Variants in CYP4X1 observed in about 807,000 individuals in gnomAD.
CYP4X1 encodes the protein cytochrome P450 family 4 subfamily X member 1.
CYP4X1 carries 44 observed loss-of-function variants against 57.9 expected under a neutral mutation model. That is an observed-to-expected ratio of 0.76 (90% CI 0.60 to 0.98). CYP4X1 has a LOEUF of 0.98. Ranked by LOEUF, CYP4X1 falls within the 50% of genes least tolerant of loss-of-function variation. The pLI is 0.00. For synonymous variants in CYP4X1, 227 were observed against 228.6 expected, an observed-to-expected ratio of 0.99 and a Z score of 0.06; for missense variants, 532 against 623.9, an observed-to-expected ratio of 0.85 and a Z score of 1.57.
At chr1:46,996,469 C>T in the CYP4X1 span, among the ~76,000 whole-genome samples, 12 of 152,228 alleles carry the variant, frequency 7.9e-5, no homozygotes, top group African/African-American at 2.2e-4. Context: ...CCTCTCTATT[C>T]GGGGTGGTTT....
Position 47,050,008 on chromosome 1 carries a change from T to C in CYP4X1, c.1364T>C (p.Ile455Thr), listed in dbSNP as rs761504178. The change falls in exon 12 of 12, where the codon ATT becomes ACT. Residue 455 changes from isoleucine (I) to threonine (T), a missense_variant. Physicochemically the swap from Ile to Thr is moderately conservative, Grantham distance 89 (BLOSUM62 -1). Transcript: ENST00000371901. Reference sequence around the variant, plus strand: ...TTCCCTCTTGTCTTCAGGAACTGCATTGGGCAGGAGTTTGCCATGATTGAG... The same window carrying C: ...TTCCCTCTTGTCTTCAGGAACTGCACTGGGCAGGAGTTTGCCATGATTGAG... ...LPFSAGSRNC[I>T]GQEFAMIELK... 51 of 1,613,238 alleles carry C rather than the reference T, an allele frequency of 3.2e-5. No homozygotes were observed. Among genetic ancestry groups the C allele is most frequent in the Admixed American group, 6.7e-5 (4 of 59,830 alleles).
At chr1:47,041,858 A>G (rs1005017555) in intron 8 of CYP4X1, among the ~76,000 whole-genome samples, 1 of 152,058 alleles carries the variant, frequency 6.6e-6, no homozygotes, top group East Asian at 1.9e-4. Flanking sequence ...ATTGCCAAGA[A>G]TAATATCAAG....
At chr1:47,037,819 C>A (rs933961393) in intron 6 of CYP4X1, among the ~76,000 whole-genome samples, 24 of 152,130 alleles carry the variant, frequency 1.6e-4, no homozygotes, top group African/African-American at 5.6e-4. Flanking sequence ...AATCAGAGAT[C>A]TAAACTCCAT....
At chr1:46,974,995 G>C in the CYP4X1 span, among the ~76,000 whole-genome samples, 1 of 152,104 alleles carries the variant, frequency 6.6e-6, no homozygotes, top group Admixed American at 6.6e-5. Context: ...TAAGCATGTA[G>C]TGCATAATAA....
In CYP4X1 at chr1:47,023,706, G is replaced by C. The variant is rs1415123364; in HGVS notation, c.-112G>C. On this transcript the variant is annotated 5_prime_UTR_variant, in exon 1 of 12. Transcript: ENST00000371901. ...TCTTCCCGCGAGTCAGAAGCTTCGC[G>C]AGGGCCCAGAGAGGCGGTGGGGTGG... 4 of 1,455,394 alleles carry C rather than the reference G, an allele frequency of 2.7e-6. No homozygotes were observed. The Admixed American group carries it at 1.0e-4, about 37-fold the overall frequency. The allele number at this position is 1,455,394 out of a possible 1,614,324, so 90.2% of individuals were successfully genotyped here.
chr1:46,996,335 C>T, the CYP4X1 span, among the ~76,000 whole-genome samples: 1 of 152,162 alleles, frequency 6.6e-6, no homozygotes, highest in African/African-American at 2.4e-5. Flanking sequence ...GCATCCAGGC[C>T]AGGTGGCAGC....
At chr1:47,045,916 C>G (rs985126028) in intron 8 of CYP4X1, among the ~76,000 whole-genome samples, 1 of 152,178 alleles carries the variant, frequency 6.6e-6, no homozygotes, top group Non-Finnish European at 1.5e-5. Context: ...CTTGCCTTGC[C>G]TCTGCTGCTG....
chr1:47,052,262 C>A (rs1644364179), downstream of CYP4X1, among the ~76,000 whole-genome samples: 1 of 151,566 alleles, frequency 6.6e-6, no homozygotes, highest in African/African-American at 2.4e-5. Flanking sequence ...AATTGAAAAC[C>A]CTTAAAAATA....
chr1:47,025,832 G>C (rs1279851076), intron 1 of CYP4X1, among the ~76,000 whole-genome samples: 1 of 152,116 alleles, frequency 6.6e-6, no homozygotes, highest in Non-Finnish European at 1.5e-5. Flanking sequence ...GTCTGGACTG[G>C]TTGTTCTTTA....
At chr1:47,018,795 G>GA (rs59560532), upstream of CYP4X1, among the ~76,000 whole-genome samples, 7,937 of 152,068 alleles carry the variant, frequency 0.052, 234 homozygotes, top group East Asian at 0.13. Context: ...GGGGAAAAAA[G>GA]AAAAAAATTG....
At chr1:46,990,435 C>A in the CYP4X1 span, among the ~76,000 whole-genome samples, 214 of 152,274 alleles carry the variant, frequency 1.4e-3, no homozygotes, top group African/African-American at 4.9e-3. Context: ...AATAGGAACG[C>A]TTTTACATTG....
chr1:46,992,505 A>G, the CYP4X1 span, among the ~76,000 whole-genome samples: 1 of 152,182 alleles, frequency 6.6e-6, no homozygotes, highest in Admixed American at 6.5e-5. Flanking sequence ...TTATTACAGT[A>G]TTTGTCTTTT....
chr1:47,007,505 T>C, the CYP4X1 span, among the ~76,000 whole-genome samples: 1 of 152,134 alleles, frequency 6.6e-6, no homozygotes, highest in East Asian at 1.9e-4. Context: ...CTGGAAACTC[T>C]AAAAATCAGA....
chr1:47,037,019 A>G (rs1644191218), intron 6 of CYP4X1, among the ~76,000 whole-genome samples: 1 of 152,186 alleles, frequency 6.6e-6, no homozygotes, highest in African/African-American at 2.4e-5. Context: ...GTTATAAACA[A>G]TTTAAGGCAT....
chr1:46,983,457 G>C, the CYP4X1 span, among the ~76,000 whole-genome samples: 1 of 152,224 alleles, frequency 6.6e-6, no homozygotes, highest in Non-Finnish European at 1.5e-5. Flanking sequence ...GACAGCAAGG[G>C]CAGTTCCACT....
At chr1:47,016,052 T>G in the CYP4X1 span, among the ~76,000 whole-genome samples, 46 of 152,282 alleles carry the variant, frequency 3.0e-4, no homozygotes, top group African/African-American at 1.1e-3. Context: ...ACCTGGGATA[T>G]CTCCATTTCT....
the CYP4X1 span, among the ~76,000 whole-genome samples, chr1:46,981,584 A>G: frequency 6.6e-6 from 1 of 152,228 alleles, no homozygotes; most frequent in African/African-American, 2.4e-5. Flanking sequence ...TGATTCCTCA[A>G]GGATCTAGAA....
intron 3 of CYP4X1, 47 bp downstream of exon 3, chr1:47,031,527 C>G (rs568544756): frequency 1.3e-6 from 2 of 1,596,602 alleles, no homozygotes; most frequent in Non-Finnish European, 1.7e-6. Flanking sequence ...ATTCAAAGTC[C>G]CCTTTCCATA....
intron 8 of CYP4X1, among the ~76,000 whole-genome samples, chr1:47,043,836 A>C (rs567335089): frequency 6.6e-6 from 1 of 152,234 alleles, no homozygotes; most frequent in East Asian, 1.9e-4. Flanking sequence ...CCCCTTTCTC[A>C]TTATATAATG....
Sources: allele counts gnomAD v4.1 joint callset (sites outside exome capture counted in the v4.1 genomes callset), GRCh38; gene constraint gnomAD v4.1.1; transcripts MANE v1.5; gene names NCBI Gene and HGNC (gene_info 2026-07-23, HGNC 2026-07-21).